GMDS: variants seen among roughly 807,000 people sequenced by gnomAD.
GMDS encodes the protein GDP-mannose 4,6 dehydratase.
Under a neutral mutation model 49.9 loss-of-function variants are expected in GMDS, and 20 were observed. The ratio of observed to expected loss-of-function variants is 0.40; its 90% confidence interval spans 0.28 to 0.58. GMDS has a LOEUF of 0.58. Ranked by LOEUF, GMDS falls within the 20% of genes least tolerant of loss-of-function variation. The pLI is 0.42. For synonymous variants in GMDS, 177 were observed against 178.6 expected (o/e 0.99, Z 0.07); for missense variants, 362 against 481.4 (o/e 0.75, Z 2.32).
rs74421624 is a variant in GMDS at position 1,993,226 on chromosome 6, G to A, written c.346-32260C>T. Reference sequence around the variant, plus strand: ...CTTCTCGGAGGGTATGGGTATTCTCGCTTCTATGCTGGCTCGTGGTTTTGT... The same window carrying A: ...CTTCTCGGAGGGTATGGGTATTCTCACTTCTATGCTGGCTCGTGGTTTTGT... On this transcript the variant is annotated intron_variant, in intron 4 of 10. Coordinates refer to ENST00000380815, the MANE Select transcript of GMDS (RefSeq NM_001500.4). 9.6e-3 allele frequency among the ~76,000 whole-genome samples: 1,465 copies of A among 152,146 alleles called. 13 individuals are homozygous for A. The highest frequency in any genetic ancestry group is 0.012 in the Non-Finnish European group (839 of 68,002).
chr6:1,840,337 G>A (rs1161480658), intron 7 of GMDS, among the ~76,000 whole-genome samples: 3 of 152,130 alleles, frequency 2.0e-5, no homozygotes, highest in South Asian at 2.1e-4. Context: ...CATACATCAC[G>A]TGCCTGGCAC....
chr6:2,160,078 G>A (rs754279218), intron 1 of GMDS, among the ~76,000 whole-genome samples: 78 of 152,054 alleles, frequency 5.1e-4, no homozygotes, highest in Non-Finnish European at 9.4e-4. Context: ...AAGCAACTAT[G>A]AACAATTTAA....
chr6:1,867,871 A>T (rs963331807), intron 7 of GMDS, among the ~76,000 whole-genome samples: 2 of 152,226 alleles, frequency 1.3e-5, no homozygotes, highest in Non-Finnish European at 2.9e-5. Context: ...TTTTGGAGGT[A>T]CAAGAAACAC....
In GMDS at chr6:2,206,187, G is replaced by A. The variant is rs192171751; in HGVS notation, c.102+39134C>T. On this transcript the variant is annotated intron_variant, in intron 1 of 10. Coordinates refer to ENST00000380815, the MANE Select transcript of GMDS (RefSeq NM_001500.4). ...GCAGGAGAATCGCTTGAACCCGGGA[G>A]GCAGAGGTTGTGGTGAGCCAAGATC... Among the ~76,000 whole-genome samples the A allele has an allele frequency of 9.6e-3, 1,459 of 152,198 alleles. 10 individuals carry two copies. The highest frequency in any genetic ancestry group is 0.021 in the Middle Eastern group (6 of 292).
intron 7 of GMDS, among the ~76,000 whole-genome samples, chr6:1,746,019 C>G (rs1043454880): frequency 2.0e-5 from 3 of 152,210 alleles, no homozygotes; most frequent in Non-Finnish European, 2.9e-5. Flanking sequence ...CCTTATACAG[C>G]TGCACACGTT....
intron 1 of GMDS, among the ~76,000 whole-genome samples, chr6:2,229,858 T>C (rs1780997234): frequency 6.6e-6 from 1 of 152,234 alleles, no homozygotes; most frequent in African/African-American, 2.4e-5. Flanking sequence ...TACTAAATTG[T>C]AACCCAGTCA....
At chr6:2,000,420 T>G (rs146304600) in intron 4 of GMDS, among the ~76,000 whole-genome samples, 11 of 152,098 alleles carry the variant, frequency 7.2e-5, no homozygotes, top group African/African-American at 2.7e-4. Flanking sequence ...AACTATGTAT[T>G]CATTAGCAGT....
At chr6:1,799,188 C>T (rs1398869096) in intron 7 of GMDS, among the ~76,000 whole-genome samples, 6 of 152,048 alleles carry the variant, frequency 3.9e-5, no homozygotes, top group African/African-American at 4.8e-5. Context: ...GTGGAGGGTG[C>T]GGGTGGTGAG....
In GMDS at chr6:2,065,356, A is replaced by C. The variant is rs558655951; in HGVS notation, c.345+50415T>G. On this transcript the variant is annotated intron_variant, in intron 4 of 10. Coordinates refer to ENST00000380815, the MANE Select transcript of GMDS (RefSeq NM_001500.4). ...AGCAGAAAAACTGGAAACTCTAAAA[A>C]GCAGAGCGCCTCTCCTCCTCCAAAG... is the stretch of plus-strand genomic sequence containing the variant. 1.1e-3 allele frequency among the ~76,000 whole-genome samples: 175 copies of C among 152,312 alleles called. 2 individuals carry two copies. In the East Asian group the frequency reaches 0.017, roughly 15 times the overall value.
chr6:2,081,336 T>A (rs1007197130), intron 4 of GMDS, among the ~76,000 whole-genome samples: 2 of 152,166 alleles, frequency 1.3e-5, no homozygotes, highest in Non-Finnish European at 2.9e-5. Context: ...CTCTATGCCC[T>A]CTCTGTGCAG....
intron 9 of GMDS, among the ~76,000 whole-genome samples, chr6:1,724,248 A>T (rs1766493287): frequency 6.6e-6 from 1 of 152,242 alleles, no homozygotes; most frequent in Admixed American, 6.5e-5. Flanking sequence ...ATATGAAATC[A>T]GACACCACTC....
intron 1 of GMDS, among the ~76,000 whole-genome samples, chr6:2,233,487 A>G (rs569514386): frequency 7.2e-5 from 11 of 152,360 alleles, no homozygotes; most frequent in African/African-American, 1.7e-4. Flanking sequence ...GCCAGAAACA[A>G]TAAGTAAACA....
chr6:1,725,865 T>C (rs1046864476), intron 9 of GMDS, among the ~76,000 whole-genome samples: 4 of 152,200 alleles, frequency 2.6e-5, no homozygotes, highest in African/African-American at 9.7e-5. Flanking sequence ...ATAATGTGGA[T>C]ACAAAGAAAG....
chr6:1,674,104 A>G (rs1021262740), intron 9 of GMDS, among the ~76,000 whole-genome samples: 1 of 151,794 alleles, frequency 6.6e-6, no homozygotes, highest in African/African-American at 2.4e-5. Context: ...AATTGCAAAC[A>G]TTCGTGCAAA....
chr6:1,941,544 C>G (rs1762824319), intron 6 of GMDS, among the ~76,000 whole-genome samples: 1 of 152,058 alleles, frequency 6.6e-6, no homozygotes, highest in Non-Finnish European at 1.5e-5. Flanking sequence ...GGACAAAAGT[C>G]CAAGGAAGGA....
At chr6:1,712,519 C>T (rs1245308599) in intron 9 of GMDS, among the ~76,000 whole-genome samples, 3 of 152,328 alleles carry the variant, frequency 2.0e-5, no homozygotes, top group South Asian at 2.1e-4. Flanking sequence ...GCAAAACACA[C>T]ATTCCTAACT....
intron 1 of GMDS, among the ~76,000 whole-genome samples, chr6:2,204,006 C>T (rs1779672538): frequency 6.6e-6 from 1 of 152,184 alleles, no homozygotes; most frequent in Admixed American, 6.5e-5. Flanking sequence ...CCTGACTTTA[C>T]AAATTTTCTT....
intron 6 of GMDS, among the ~76,000 whole-genome samples, chr6:1,937,266 T>A (rs1332952235): frequency 4.6e-5 from 7 of 152,294 alleles, no homozygotes; most frequent in African/African-American, 1.7e-4. Context: ...CGCATGACTG[T>A]AGGTAGATGC....
chr6:1,912,218 T>C (rs962844205), intron 7 of GMDS, among the ~76,000 whole-genome samples: 15 of 152,000 alleles, frequency 9.9e-5, no homozygotes, highest in African/African-American at 3.6e-4. Flanking sequence ...ATACAAAAAT[T>C]AGCCAGGTGC....
Sources: gnomAD v4.1 joint callset for allele counts (sites outside exome capture counted in the v4.1 genomes callset) on GRCh38, gnomAD v4.1.1 for gene constraint, MANE v1.5 for transcripts, NCBI Gene and HGNC (gene_info 2026-07-23, HGNC 2026-07-21) for gene names.